The following HS3ST5 variants were observed in gnomAD, a reference collection of about 807,000 sequenced individuals.
HS3ST5 encodes the protein heparan sulfate-glucosamine 3-sulfotransferase 5.
HS3ST5 carries 10 observed loss-of-function variants against 25.4 expected under a neutral mutation model. That is an observed-to-expected ratio of 0.39 (90% confidence interval 0.24 to 0.67). The LOEUF is 0.67. HS3ST5 is among the 30% of genes least tolerant of loss of function. The pLI is 0.44. For synonymous variants in HS3ST5, 170 were observed against 162.4 expected (o/e 1.05, Z -0.36); for missense variants, 324 against 420.7 (o/e 0.77, Z 2.01).
chr6:114,217,947 C>T (rs919532969), intron 2 of HS3ST5, among the ~76,000 whole-genome samples: 2 of 152,170 alleles, frequency 1.3e-5, no homozygotes, highest in African/African-American at 4.8e-5. Flanking sequence ...ATTTAAGTTA[C>T]CATCTTGTAT....
chr6:114,242,742 A>C (rs9488347), intron 1 of HS3ST5, among the ~76,000 whole-genome samples: 6,763 of 151,696 alleles, frequency 0.045, 230 homozygotes, highest in African/African-American at 0.098. Context: ...AGTCCCAGCT[A>C]CTCGGGAGGC....
intron 3 of HS3ST5, among the ~76,000 whole-genome samples, chr6:114,167,877 G>T (rs1424622609): frequency 6.6e-6 from 1 of 152,156 alleles, no homozygotes; most frequent in South Asian, 2.1e-4. Context: ...CAAGATTGTT[G>T]TGATGTGGGT....
intron 3 of HS3ST5, among the ~76,000 whole-genome samples, chr6:114,124,691 G>A (rs1484157362): frequency 1.2e-4 from 18 of 148,448 alleles, no homozygotes; most frequent in African/African-American, 3.2e-4. Flanking sequence ...ATAACCAGAG[G>A]AAAAAAAATA....
intron 1 of HS3ST5, among the ~76,000 whole-genome samples, chr6:114,260,550 C>T (rs529203812): frequency 2.8e-4 from 43 of 152,260 alleles, no homozygotes; most frequent in Non-Finnish European, 4.3e-4. Flanking sequence ...TTAACTAGAA[C>T]GCACAGTTTT....
At chr6:114,214,813 C>T (rs9320485) in intron 2 of HS3ST5, among the ~76,000 whole-genome samples, 2 of 151,946 alleles carry the variant, frequency 1.3e-5, no homozygotes, top group Non-Finnish European at 2.9e-5. Flanking sequence ...TCATGGCACA[C>T]GGAAACCTGG....
chr6:114,239,356 T>G (rs1771998357), intron 1 of HS3ST5, among the ~76,000 whole-genome samples: 1 of 152,214 alleles, frequency 6.6e-6, no homozygotes, highest in Non-Finnish European at 1.5e-5. Context: ...CACCCTGATA[T>G]GAGCTGCATC....
chr6:114,200,569 G>T (rs896177200), intron 2 of HS3ST5, among the ~76,000 whole-genome samples: 1 of 152,118 alleles, frequency 6.6e-6, no homozygotes, highest in Non-Finnish European at 1.5e-5. Context: ...GTTGGGAAAA[G>T]ATTTAATTTT....
At chr6:114,153,386 AT>A (rs201332453) in intron 3 of HS3ST5, among the ~76,000 whole-genome samples, 1,947 of 152,196 alleles carry the variant, frequency 0.013, 46 homozygotes, top group African/African-American at 0.045. Flanking sequence ...ATTTCGTTAT[AT>A]TTCCTAATTT....
chr6:114,256,625 A>G (rs1374301692), intron 1 of HS3ST5, among the ~76,000 whole-genome samples: 2 of 152,156 alleles, frequency 1.3e-5, no homozygotes, highest in Admixed American at 6.5e-5. Context: ...TCTCCATCTG[A>G]GACCACCTCA....
intron 1 of HS3ST5, among the ~76,000 whole-genome samples, chr6:114,267,181 G>A (rs1773441002): frequency 6.6e-6 from 1 of 152,142 alleles, no homozygotes; most frequent in Non-Finnish European, 1.5e-5. Flanking sequence ...ATAATGATAA[G>A]AATGGAAGTG....
chr6:114,294,467 ACGGAGT>A (rs1774725091), intron 1 of HS3ST5, among the ~76,000 whole-genome samples: 1 of 120,560 alleles, frequency 8.3e-6, no homozygotes. Flanking sequence ...TTTTTTTGAG[ACGGAGT>A]CTCACTCTGT....
chr6:114,294,177 C>A (rs1187973185), intron 1 of HS3ST5, among the ~76,000 whole-genome samples: 7 of 152,126 alleles, frequency 4.6e-5, no homozygotes, highest in Non-Finnish European at 8.8e-5. Context: ...TTGCTTGTCT[C>A]CAGGAGATGC....
chr6:114,204,862 G>A (rs902737986), intron 2 of HS3ST5, among the ~76,000 whole-genome samples: 1 of 151,878 alleles, frequency 6.6e-6, no homozygotes, highest in African/African-American at 2.4e-5. Flanking sequence ...CAGCTATCCC[G>A]AGAATACTAT....
intron 1 of HS3ST5, among the ~76,000 whole-genome samples, chr6:114,239,804 C>T (rs551506537): frequency 1.3e-5 from 2 of 152,192 alleles, no homozygotes; most frequent in South Asian, 2.1e-4. Flanking sequence ...AATAGGTGAA[C>T]CATATTCTCT....
At chr6:114,076,565 A>G (rs1774148180) in intron 3 of HS3ST5, among the ~76,000 whole-genome samples, 1 of 152,222 alleles carries the variant, frequency 6.6e-6, no homozygotes, top group African/African-American at 2.4e-5. Context: ...TAGAAAAGAT[A>G]CCGATCTTAA....
At chr6:114,275,774 C>A (rs955616759) in intron 1 of HS3ST5, among the ~76,000 whole-genome samples, 2 of 152,098 alleles carry the variant, frequency 1.3e-5, no homozygotes, top group Non-Finnish European at 2.9e-5. Context: ...AATATTCACA[C>A]ATCACAATAT....
intron 3 of HS3ST5, among the ~76,000 whole-genome samples, chr6:114,096,750 G>T (rs1775446740): frequency 6.6e-6 from 1 of 152,080 alleles, no homozygotes. Context: ...GCATATAAGT[G>T]CCACTAGGGG....
chr6:114,319,964 G>A (rs569701960), intron 1 of HS3ST5, among the ~76,000 whole-genome samples: 1 of 152,002 alleles, frequency 6.6e-6, no homozygotes, highest in Admixed American at 6.6e-5. Context: ...CAAGTTGTTA[G>A]TTTTTCATTT....
intron 3 of HS3ST5, among the ~76,000 whole-genome samples, chr6:114,149,532 G>A (rs1778349757): frequency 6.6e-6 from 1 of 152,088 alleles, no homozygotes; most frequent in African/African-American, 2.4e-5. Context: ...GTTGAACAAT[G>A]AGAACACATA....
Sources: allele counts gnomAD v4.1 joint callset (sites outside exome capture counted in the v4.1 genomes callset), GRCh38; gene constraint gnomAD v4.1.1; transcripts MANE v1.5; gene names NCBI Gene and HGNC (gene_info 2026-07-23, HGNC 2026-07-21).